GLIS2: variants seen among roughly 807,000 people sequenced by gnomAD.
GLIS2 encodes the protein zinc finger protein GLIS2.
In GLIS2, 14 loss-of-function variants were observed where a neutral mutation model predicts 35.6. The observed-to-expected ratio is 0.39, with a 90% CI of 0.26 to 0.61. GLIS2 has a LOEUF of 0.61. Among genes scored for constraint, GLIS2 ranks in the 20% least tolerant of loss-of-function variants. The pLI is 0.48. For missense variants in GLIS2, 675 were observed against 713.4 expected, an observed-to-expected ratio of 0.95 and a Z score of 0.61; for synonymous variants, 368 against 325.1, an observed-to-expected ratio of 1.13 and a Z score of -1.42.
rs750562871 is a variant in GLIS2 at position 4,337,165 on chromosome 16, G to A, written c.1216G>A (p.Val406Ile). The A allele has an allele frequency of 1.3e-5, 20 of 1,541,200 alleles. No homozygotes were observed. Among genetic ancestry groups the A allele is most frequent in the Middle Eastern group, 2.0e-4 (1 of 4,996 alleles). Residue 406 changes from valine (V) to isoleucine (I), a missense_variant, in exon 7 of 7, where the codon GTC (valine) becomes ATC (isoleucine). By Grantham distance (29) the Val-to-Ile change is conservative. Transcript: ENST00000433375. ...CATGGGCCCTGGGCTGCCAGGCCCCGTCCTGCCTCTCAATCTGGCCAAGAA... is the reference window on the plus strand; with the variant it reads ...CATGGGCCCTGGGCTGCCAGGCCCCATCCTGCCTCTCAATCTGGCCAAGAA... ...GGMGPGLPGP[V>I]LPLNLAKNPL...
In GLIS2 at chr16:4,332,956, C is replaced by A. The variant is rs531027871; in HGVS notation, c.173-391C>A. 6.6e-6 allele frequency among the ~76,000 whole-genome samples: 1 copy of A among 152,322 alleles called. No individual in the cohort carries two copies. The highest frequency in any genetic ancestry group is 1.9e-4 in the East Asian group (1 of 5,176). On this transcript the variant is annotated intron_variant, in intron 2 of 6. Coordinates refer to ENST00000433375, the MANE Select transcript of GLIS2 (RefSeq NM_032575.3). The surrounding 1 kb of genome is among the most constrained non-coding windows in gnomAD (Gnocchi z 5.4). ...GGCTATGGGAGCAGCCCAGCCCGAACCTGCCACTTTACAGAAGGGAACACT... is the reference window on the plus strand; with the variant it reads ...GGCTATGGGAGCAGCCCAGCCCGAAACTGCCACTTTACAGAAGGGAACACT...
At chr16:4,327,036 G>C (rs1044719218) in intron 1 of GLIS2, among the ~76,000 whole-genome samples, 25 of 152,254 alleles carry the variant, frequency 1.6e-4, no homozygotes, top group African/African-American at 2.4e-4. Flanking sequence ...GGGATTACAG[G>C]CATGAGCCAC....
Position 4,338,064 on chromosome 16 carries a change from A to C in GLIS2, c.*540A>C. ...ACCCTGCCTCCAGAGGGAAAGCAAG[A>C]CAGATGCAGGCCCCTGCAAAGCCCC... On this transcript the variant is annotated 3_prime_UTR_variant, in exon 7 of 7. Coordinates refer to ENST00000433375, the MANE Select transcript of GLIS2 (RefSeq NM_032575.3). 1 of 183,684 alleles carries C rather than the reference A, an allele frequency of 5.4e-6. No individual in the cohort carries two copies. Among genetic ancestry groups the C allele is most frequent in the Middle Eastern group, 2.5e-3 (1 of 396 alleles). The allele number at this position is 183,684 out of a possible 1,614,324, so 11.4% of individuals were successfully genotyped here.
rs763215627 is a variant in GLIS2, at chr16:4,333,367, T to C, written c.193T>C (p.Phe65Leu). The C allele has an allele frequency of 1.2e-6, 2 of 1,613,000 alleles. No individual in the cohort carries two copies. Among genetic ancestry groups the C allele is most frequent in the East Asian group, 4.5e-5 (2 of 44,862 alleles). Residue 65 changes from phenylalanine to leucine, a missense_variant, in exon 3 of 7, where the codon TTC becomes CTC. This residue lies in a region of GLIS2 where 225 missense variants were observed against 238.7 expected (regional missense o/e 0.94). Coordinates refer to ENST00000433375, the MANE Select transcript of GLIS2 (RefSeq NM_032575.3). ...PPSGFLLNSK[F>L]PEKVEGRFSA... ...CTCAGGCTTCCTGCTGAACTCCAAG[T>C]TCCCCGAGAAGGTGGAGGGACGCTT...
At chr16:4,326,755 A>AT (rs35674831) in intron 1 of GLIS2, among the ~76,000 whole-genome samples, 112 of 110,050 alleles carry the variant, frequency 1.0e-3, no homozygotes, top group South Asian at 3.6e-3. Context: ...ACGCCCAGCT[A>AT]TTTTTTTTTT....
chr16:4,318,137 T>C (rs1248325470), intron 1 of GLIS2, among the ~76,000 whole-genome samples: 1 of 152,094 alleles, frequency 6.6e-6, no homozygotes, highest in Non-Finnish European at 1.5e-5. Context: ...GCTTTTGGGG[T>C]CAGTGGCTTC....
Position 4,332,153 on chromosome 16 carries a change from A to T in GLIS2, c.-66-62A>T. On this transcript the variant is annotated intron_variant, in intron 1 of 6. Transcript: ENST00000433375. The surrounding 1 kb of genome is among the most constrained non-coding windows in gnomAD (Gnocchi z 5.4). ...CTCCTGCTCCTGTTAGACTGTCATG[A>T]GTACAGCCCGAGGAGAAGCCTGGGG... is the stretch of plus-strand genomic sequence containing the variant. 1 of 1,168,148 alleles carries T rather than the reference A, an allele frequency of 8.6e-7. No homozygotes were observed. Among genetic ancestry groups the T allele is most frequent in the Non-Finnish European group, 1.2e-6 (1 of 811,414 alleles). The allele number at this position is 1,168,148 out of a possible 1,614,324, so 72.4% of individuals were successfully genotyped here. A position where few individuals can be genotyped will look rare whatever the true frequency, so the allele number is the denominator to read the frequency against.
intron 1 of GLIS2, among the ~76,000 whole-genome samples, chr16:4,328,928 C>T (rs2053467549): frequency 6.6e-6 from 1 of 151,736 alleles, no homozygotes. Context: ...AGCTGGAATT[C>T]CCAGTTCCCA....
intron 3 of GLIS2, among the ~76,000 whole-genome samples, chr16:4,334,127 C>CG (rs2053525164): frequency 6.6e-6 from 1 of 151,510 alleles, no homozygotes; most frequent in African/African-American, 2.4e-5. Flanking sequence ...TTAGTAGAGA[C>CG]AGGGTTTCTC....
chr16:4,335,363 A>G lies in GLIS2; in HGVS notation c.745A>G (p.Asn249Asp). Residue 249 changes from asparagine to aspartate, a missense_variant, in exon 6 of 7, where the codon AAC (asparagine) becomes GAC (aspartate). Physicochemically the swap from Asn to Asp is conservative, Grantham distance 23 (BLOSUM62 1). This residue lies in a region of GLIS2 where 133 missense variants were observed against 191.4 expected (regional missense o/e 0.69). Coordinates refer to ENST00000433375, the MANE Select transcript of GLIS2 (RefSeq NM_032575.3). This position sits in a 1 kb window ranked among gnomAD's most constrained non-coding sequence, Gnocchi z 4.6. ...TCSKSFSRLE[N>D]LKIHNRSHTG... ...CAGCAAGAGCTTCTCCCGCCTGGAG[A>G]ACCTGAAGATCCACAACCGGTCGCA... The G allele has an allele frequency of 6.2e-7, 1 of 1,613,684 alleles. No homozygotes were observed. Among genetic ancestry groups the G allele is most frequent in the Non-Finnish European group, 8.5e-7 (1 of 1,180,006 alleles).
At chr16:4,329,241 C>G (rs1029745687) in intron 1 of GLIS2, 2 of 152,210 alleles carry the variant, frequency 1.3e-5, no homozygotes, top group Non-Finnish European at 2.9e-5. Context: ...AACTCCCTGT[C>G]CAGCCAGAGA....
chr16:4,317,291 A>C (rs2053324170), intron 1 of GLIS2, among the ~76,000 whole-genome samples: 2 of 152,034 alleles, frequency 1.3e-5, no homozygotes, highest in Non-Finnish European at 2.9e-5. Context: ...CCGGCTGGGG[A>C]CCTGGCCAAG....
Position 4,336,944 on chromosome 16 carries a change from G to A in GLIS2, c.995G>A (p.Arg332His), listed in dbSNP as rs148236093. Reference sequence around the variant, plus strand: ...GAGCAGCAAGAGCTCCTGCAGCTGCGCCCACCCCCCAAGCCGCCACTGCCC... The same window carrying A: ...GAGCAGCAAGAGCTCCTGCAGCTGCACCCACCCCCCAAGCCGCCACTGCCC... The part of the protein sequence containing the change: ...SHEQQELLQL[R>H]PPPKPPLPAP... Residue 332 changes from arginine to histidine, a missense_variant, in exon 7 of 7, where the codon CGC (arginine) becomes CAC (histidine). By Grantham distance (29) the Arg-to-His change is conservative. Around this residue, in one of 3 missense-constraint regions of GLIS2, gnomAD observed 317 missense variants for 283.2 expected, o/e 1.12. Transcript: ENST00000433375. The A allele has an allele frequency of 1.4e-4, 220 of 1,610,632 alleles. No homozygotes were observed. Among genetic ancestry groups the A allele is most frequent in the Non-Finnish European group, 1.6e-4 (192 of 1,179,366 alleles).
intron 1 of GLIS2, among the ~76,000 whole-genome samples, chr16:4,317,953 TCCCTC>T (rs2053333513): frequency 6.6e-6 from 1 of 152,108 alleles, no homozygotes; most frequent in Non-Finnish European, 1.5e-5. Flanking sequence ...TGGTGTTAAA[TCCCTC>T]CAGCTGGGGC....
At position 4,337,598 on chromosome 16, in the gene GLIS2, G is replaced by A. The variant is rs2053571854; in HGVS notation, c.*74G>A. ...GCCCCCGACGAACGGAAACTCTTCT[G>A]TGAAATAGCAATAATGTCCTACTGC... On this transcript the variant is annotated 3_prime_UTR_variant, in exon 7 of 7. Transcript: ENST00000433375. 3 of 1,528,722 alleles carry A rather than the reference G, an allele frequency of 2.0e-6. No individual in the cohort carries two copies. Among genetic ancestry groups the A allele is most frequent in the South Asian group, 1.2e-5 (1 of 83,884 alleles). 94.7% of individuals were successfully genotyped at this position (1,528,722 alleles called of 1,614,324 possible). A position where few individuals can be genotyped will look rare whatever the true frequency, so the allele number is the denominator to read the frequency against.
At position 4,337,428 on chromosome 16, in the gene GLIS2, C is replaced by T. The variant is rs373227853; in HGVS notation, c.1479C>T (p.Gly493=). Residue 493 remains glycine (G), a synonymous_variant, in exon 7 of 7, where the codon GGC becomes GGT. Coordinates refer to ENST00000433375, the MANE Select transcript of GLIS2 (RefSeq NM_032575.3). The part of the protein sequence containing the change: ...LPGTVLDLST[G]VNSAASSPEA... ...GCACCGTGCTGGACCTGTCCACGGG[C>T]GTCAACTCAGCTGCCAGCAGCCCAG... 6.9e-5 allele frequency: 110 copies of T among 1,583,994 alleles called. No homozygotes were observed. Among genetic ancestry groups the T allele is most frequent in the Non-Finnish European group, 9.2e-5 (107 of 1,167,260 alleles).
At chr16:4,325,645 G>A (rs1273571609) in intron 1 of GLIS2, among the ~76,000 whole-genome samples, 1 of 152,098 alleles carries the variant, frequency 6.6e-6, no homozygotes, top group Non-Finnish European at 1.5e-5. Flanking sequence ...AGAAGATGAC[G>A]GGCTGGGCGT....
chr16:4,316,443 C>T (rs12930524), intron 1 of GLIS2, among the ~76,000 whole-genome samples, 189 bp downstream of exon 1: 1 of 151,358 alleles, frequency 6.6e-6, no homozygotes, highest in Non-Finnish European at 1.5e-5. Context: ...CTCCCTCCCT[C>T]GCCGGCTCCC....
intron 1 of GLIS2, among the ~76,000 whole-genome samples, chr16:4,330,895 G>C (rs1221630186): frequency 6.6e-6 from 1 of 152,252 alleles, no homozygotes; most frequent in East Asian, 1.9e-4. Flanking sequence ...CACGCTGGAA[G>C]GTTGTAGGTT....
Sources: gnomAD v4.1 joint callset for allele counts (sites outside exome capture counted in the v4.1 genomes callset) on GRCh38, gnomAD v4.1.1 for gene constraint, gnomAD v4.1.1 regional missense constraint, Gnocchi (gnomAD v3.1) non-coding constraint, MANE v1.5 for transcripts, NCBI Gene and HGNC (gene_info 2026-07-23, HGNC 2026-07-21) for gene names.